JARID2: variants seen among roughly 807,000 people sequenced by gnomAD.
JARID2 encodes protein Jumonji.
In JARID2, 21 loss-of-function variants were observed where a neutral mutation model predicts 125.6. The ratio of observed to expected loss-of-function variants is 0.17; its 90% CI spans 0.12 to 0.24. The LOEUF (loss-of-function observed/expected upper bound fraction) is 0.24. JARID2 is among the 10% of genes least tolerant of loss of function. The pLI, the probability that JARID2 is intolerant of heterozygous loss-of-function variation, is 1.00. For missense variants in JARID2, 1,303 were observed against 1,639.6 expected (o/e 0.79, Z 3.55); for synonymous variants, 736 against 661.6 (o/e 1.11, Z -1.73).
intron 1 of JARID2, among the ~76,000 whole-genome samples, chr6:15,353,331 T>C (rs1286512675): frequency 1.3e-5 from 2 of 152,262 alleles, no homozygotes; most frequent in Non-Finnish European, 2.9e-5. Context: ...TGTTCACTTA[T>C]ATACATTACA....
At chr6:15,320,850 C>CTGTGTGTGTGTGTG (rs71535033) in intron 1 of JARID2, among the ~76,000 whole-genome samples, 77 of 135,118 alleles carry the variant, frequency 5.7e-4, no homozygotes, top group African/African-American at 2.0e-3. Context: ...CTCTCTCTCT[C>CTGTGTGTGTGTGTG]TCTGTGTGTG....
chr6:15,345,774 C>A (rs13193457), intron 1 of JARID2, among the ~76,000 whole-genome samples: 13,887 of 152,120 alleles, frequency 0.091, 700 homozygotes, highest in East Asian at 0.2. Context: ...GTTACATGGG[C>A]AACATTGTAG....
At chr6:15,504,707 T>C (rs1561911956) in intron 9 of JARID2, 115 bp downstream of exon 9, 1 of 692,256 alleles carries the variant, frequency 1.4e-6, no homozygotes, top group Admixed American at 2.3e-5. Context: ...AGGACTCAGA[T>C]GGGGCTGAGT....
intron 5 of JARID2, among the ~76,000 whole-genome samples, chr6:15,474,173 A>T (rs1344924424): frequency 6.6e-6 from 1 of 152,248 alleles, no homozygotes; most frequent in Non-Finnish European, 1.5e-5. Flanking sequence ...ATTGAACCTA[A>T]GAGTATTTCT....
At chr6:15,470,625 T>A (rs6929454) in intron 5 of JARID2, among the ~76,000 whole-genome samples, 100,831 of 151,674 alleles carry the variant, frequency 0.66, 33,697 homozygotes, top group East Asian at 0.8. Flanking sequence ...CTTTTTAGGT[T>A]CTTGTGGTTT....
At chr6:15,421,921 C>T (rs1316920872) in intron 3 of JARID2, among the ~76,000 whole-genome samples, 2 of 152,228 alleles carry the variant, frequency 1.3e-5, no homozygotes, top group African/African-American at 4.8e-5. Flanking sequence ...CCTAGTGTTA[C>T]TCTTCAGCTG....
At chr6:15,325,108 G>A (rs1762495047) in intron 1 of JARID2, among the ~76,000 whole-genome samples, 1 of 151,814 alleles carries the variant, frequency 6.6e-6, no homozygotes, top group Non-Finnish European at 1.5e-5. Flanking sequence ...ACTTAATTTA[G>A]TCACCACCTT....
chr6:15,306,828 G>A (rs1006342066), intron 1 of JARID2, among the ~76,000 whole-genome samples: 3 of 150,292 alleles, frequency 2.0e-5, no homozygotes, highest in African/African-American at 7.3e-5. Context: ...GAAATAGGCA[G>A]CTTATTTTTT....
chr6:15,476,028 T>C (rs557357600), intron 5 of JARID2, among the ~76,000 whole-genome samples: 1 of 152,300 alleles, frequency 6.6e-6, no homozygotes, highest in South Asian at 2.1e-4. Flanking sequence ...ATTTCTCTTA[T>C]CAGATTTGTG....
At chr6:15,377,778 TG>T (rs1238815759) in intron 2 of JARID2, among the ~76,000 whole-genome samples, 2 of 151,988 alleles carry the variant, frequency 1.3e-5, no homozygotes, top group Non-Finnish European at 2.9e-5. Flanking sequence ...GTGATCTACC[TG>T]CTTCGGCCTC....
chr6:15,495,500 G>A (rs1157928062), intron 6 of JARID2, among the ~76,000 whole-genome samples: 1 of 152,252 alleles, frequency 6.6e-6, no homozygotes, highest in Non-Finnish European at 1.5e-5. Context: ...GACAGCAGCT[G>A]CTGACAGTTT....
intron 1 of JARID2, among the ~76,000 whole-genome samples, chr6:15,362,131 CG>C (rs1228019308): frequency 1.3e-5 from 2 of 149,736 alleles, no homozygotes; most frequent in Admixed American, 1.3e-4. Flanking sequence ...AGGTGATCTG[CG>C]CCCCCCCCGC....
intron 6 of JARID2, among the ~76,000 whole-genome samples, chr6:15,494,312 A>AC (rs1770297022): frequency 6.7e-6 from 1 of 149,956 alleles, no homozygotes; most frequent in South Asian, 2.1e-4. Context: ...CCCATCCCAG[A>AC]CCCTCTGACT....
chr6:15,429,991 A>T (rs963360113), intron 3 of JARID2, among the ~76,000 whole-genome samples: 1 of 152,186 alleles, frequency 6.6e-6, no homozygotes, highest in African/African-American at 2.4e-5. Context: ...AATTGCTAGC[A>T]GCCCTCTCTA....
intron 1 of JARID2, among the ~76,000 whole-genome samples, chr6:15,336,864 T>G (rs1762896436): frequency 6.6e-6 from 1 of 152,102 alleles, no homozygotes; most frequent in Non-Finnish European, 1.5e-5. Context: ...TTACTGTAAT[T>G]CTGTTGCGCA....
At chr6:15,415,409 C>A (rs963475241) in intron 3 of JARID2, among the ~76,000 whole-genome samples, 1 of 151,758 alleles carries the variant, frequency 6.6e-6, no homozygotes, top group African/African-American at 2.4e-5. Flanking sequence ...AGGCGCCCCT[C>A]ACCTCCCAGA....
chr6:15,513,834 T>C (rs1771401997), intron 16 of JARID2, among the ~76,000 whole-genome samples: 1 of 152,266 alleles, frequency 6.6e-6, no homozygotes, highest in South Asian at 2.1e-4. Context: ...CTGGTGCACC[T>C]GGGCCCATGG....
chr6:15,352,948 G>A (rs1166256495), intron 1 of JARID2, among the ~76,000 whole-genome samples: 1 of 152,222 alleles, frequency 6.6e-6, no homozygotes, highest in Non-Finnish European at 1.5e-5. Context: ...ATGCATTCAT[G>A]AGTTGATGGA....
intron 12 of JARID2, among the ~76,000 whole-genome samples, chr6:15,508,738 C>A (rs1404263210): frequency 6.6e-6 from 1 of 152,180 alleles, no homozygotes; most frequent in East Asian, 1.9e-4. Flanking sequence ...TCCTTAAGTT[C>A]CCTTAAGAAT....
Sources: allele counts gnomAD v4.1 joint callset (sites outside exome capture counted in the v4.1 genomes callset), GRCh38; gene constraint gnomAD v4.1.1; transcripts MANE v1.5; gene names NCBI Gene and HGNC (gene_info 2026-07-23, HGNC 2026-07-21).